Variants in MYLK observed in about 807,000 individuals in gnomAD.
MYLK encodes myosin light chain kinase, smooth muscle.
A neutral mutation model predicts 203.4 loss-of-function variants in MYLK; 106 were observed. The ratio of observed to expected loss-of-function variants is 0.52; its 90% CI spans 0.45 to 0.61. The LOEUF is 0.61. Among genes scored for constraint, MYLK ranks in the 20% least tolerant of loss-of-function variants. The pLI, the probability that MYLK is intolerant of heterozygous loss-of-function variation, is 0.00. For synonymous variants in MYLK, 867 were observed against 959.5 expected (o/e 0.90, Z 1.78); for missense variants, 2,072 against 2,442.3 (o/e 0.85, Z 3.20).
intron 2 of MYLK, among the ~76,000 whole-genome samples, chr3:123,835,316 A>T (rs753693015): frequency 2.0e-5 from 3 of 152,186 alleles, no homozygotes; most frequent in Admixed American, 6.5e-5. Flanking sequence ...TCAATATGGC[A>T]ATCAGTCACA....
intron 2 of MYLK, among the ~76,000 whole-genome samples, chr3:123,853,552 G>C (rs2031058165): frequency 6.6e-6 from 1 of 152,160 alleles, no homozygotes; most frequent in Admixed American, 6.6e-5. Flanking sequence ...CCTTTTTGAA[G>C]AGAAATGTCT....
intron 19 of MYLK, among the ~76,000 whole-genome samples, chr3:123,685,482 G>A (rs866957343): frequency 6.6e-6 from 1 of 152,000 alleles, no homozygotes; most frequent in African/African-American, 2.4e-5. Flanking sequence ...AGTCCCAGCT[G>A]CTTTGGAGGC....
chr3:123,867,920 C>T (rs1314936554), intron 2 of MYLK, among the ~76,000 whole-genome samples: 1 of 152,196 alleles, frequency 6.6e-6, no homozygotes, highest in Non-Finnish European at 1.5e-5. Flanking sequence ...GCAAAGACTC[C>T]CACAGAGCCC....
At position 123,708,826 on chromosome 3, in the gene MYLK, A is replaced by T; in HGVS notation, c.2012T>A (p.Phe671Tyr). Reference sequence around the variant, plus strand: ...GCTGTGCTGAGTTCCTCTCTGTTCAAAGTGGAAGTCCTCTGACTCTTGGAT... The same window carrying T: ...GCTGTGCTGAGTTCCTCTCTGTTCATAGTGGAAGTCCTCTGACTCTTGGAT... ...NEIQESEDFH[F>Y]EQRGTQHSLC... The change falls in exon 15 of 34, where the codon TTT becomes TAT. Residue 671 changes from phenylalanine (F) to tyrosine (Y), a missense_variant. This residue lies in a region of MYLK where 865 missense variants were observed against 1,016.0 expected (regional missense o/e 0.85). Coordinates refer to ENST00000360304, the MANE Select transcript of MYLK (RefSeq NM_053025.4). The T allele has an allele frequency of 6.2e-7, 1 of 1,614,092 alleles. No individual in the cohort carries two copies.
At chr3:123,812,932 C>G (rs1241438606) in intron 3 of MYLK, among the ~76,000 whole-genome samples, 1 of 152,166 alleles carries the variant, frequency 6.6e-6, no homozygotes, top group Non-Finnish European at 1.5e-5. Flanking sequence ...CTCCACAATC[C>G]CACCCCACTT....
intron 23 of MYLK, among the ~76,000 whole-genome samples, chr3:123,662,266 C>A (rs2059588062): frequency 6.6e-6 from 1 of 152,204 alleles, no homozygotes. Flanking sequence ...AAGTTTAGAG[C>A]TAGTTCCCAC....
rs149856838 is a variant in MYLK, at chr3:123,671,801, A to G, written c.3653-4614T>C. On this transcript the variant is annotated intron_variant, in intron 20 of 33. Coordinates refer to ENST00000360304, the MANE Select transcript of MYLK (RefSeq NM_053025.4). ...GCCCAAAGACACTAGAGGGAAGAGC[A>G]CGGGGAGCCAAATCCTTTGGTGGGG... 6.4e-3 allele frequency among the ~76,000 whole-genome samples: 973 copies of G among 152,120 alleles called. 9 individuals are homozygous for G. Among genetic ancestry groups the G allele is most frequent in the African/African-American group, 0.022 (918 of 41,520 alleles).
At chr3:123,823,301 T>C (rs2065999520) in intron 3 of MYLK, among the ~76,000 whole-genome samples, 1 of 152,128 alleles carries the variant, frequency 6.6e-6, no homozygotes, top group Non-Finnish European at 1.5e-5. Flanking sequence ...TCCCACCCTC[T>C]CCACTGACCT....
chr3:123,880,944 C>T (rs1431701944), intron 1 of MYLK, among the ~76,000 whole-genome samples: 2 of 152,246 alleles, frequency 1.3e-5, no homozygotes, highest in South Asian at 2.1e-4. Flanking sequence ...AGTGCAAATA[C>T]GGAGGTCCAC....
chr3:123,646,658 C>A (rs1481308109), intron 27 of MYLK, among the ~76,000 whole-genome samples: 1 of 152,222 alleles, frequency 6.6e-6, no homozygotes, highest in Admixed American at 6.5e-5. Flanking sequence ...AATCCCCCTG[C>A]CTTTGTACAA....
chr3:123,668,540 G>A (rs1430124357), intron 20 of MYLK, among the ~76,000 whole-genome samples: 1 of 152,184 alleles, frequency 6.6e-6, no homozygotes, highest in Non-Finnish European at 1.5e-5. Flanking sequence ...AAGGGGCACA[G>A]GGAAATGTTC....
chr3:123,655,220 A>G (rs1284133432), intron 24 of MYLK, among the ~76,000 whole-genome samples: 1 of 151,618 alleles, frequency 6.6e-6, no homozygotes, highest in African/African-American at 2.4e-5. Context: ...CTGAGTCCTC[A>G]TCTCCTTCAT....
chr3:123,767,751 G>A (rs1240398156), intron 4 of MYLK, among the ~76,000 whole-genome samples: 1 of 152,232 alleles, frequency 6.6e-6, no homozygotes, highest in Non-Finnish European at 1.5e-5. Context: ...CAGTCCCATG[G>A]GGGTGTCAGG....
intron 2 of MYLK, among the ~76,000 whole-genome samples, chr3:123,838,242 C>A (rs1399257631): frequency 6.6e-6 from 1 of 151,970 alleles, no homozygotes; most frequent in Non-Finnish European, 1.5e-5. Context: ...CAGAAAACAA[C>A]AAAGGAAATC....
Position 123,799,524 on chromosome 3 carries a change from C to G in MYLK, c.-3-5680G>C, listed in dbSNP as rs185778945. On this transcript the variant is annotated intron_variant, in intron 3 of 33. Transcript: ENST00000360304. ...GTCTTGAAGCACCTGGTCAGTTTGC[C>G]GGGCATCTTGGAAATATCATACCTT... is the stretch of plus-strand genomic sequence containing the variant. 9.2e-5 allele frequency among the ~76,000 whole-genome samples: 14 copies of G among 152,200 alleles called. No individual in the cohort carries two copies. In the East Asian group the frequency reaches 2.7e-3, roughly 29 times the overall value.
chr3:123,840,452 A>G (rs1043809721), intron 2 of MYLK, among the ~76,000 whole-genome samples: 1 of 151,250 alleles, frequency 6.6e-6, no homozygotes, highest in Non-Finnish European at 1.5e-5. Context: ...AATCTATGTC[A>G]TAATATAAAA....
intron 3 of MYLK, among the ~76,000 whole-genome samples, chr3:123,814,491 A>G (rs1322503170): frequency 6.6e-6 from 1 of 152,250 alleles, no homozygotes; most frequent in Non-Finnish European, 1.5e-5. Flanking sequence ...GGTCGTGAGT[A>G]CGATTACAAA....
chr3:123,703,635 C>T (rs1035718077), intron 16 of MYLK, among the ~76,000 whole-genome samples: 17 of 152,162 alleles, frequency 1.1e-4, no homozygotes, highest in Non-Finnish European at 7.3e-5. Context: ...GCCCCGAGTT[C>T]TCAACACTTA....
rs1358823346 is a variant in MYLK, at chr3:123,649,156, A to T, written c.4321+6T>A. 1 of 1,613,424 alleles carries T rather than the reference A, an allele frequency of 6.2e-7. No individual in the cohort carries two copies. The highest frequency in any genetic ancestry group is 8.5e-7 in the Non-Finnish European group (1 of 1,179,984). On this transcript the variant is annotated splice_donor_region_variant and intron_variant, in intron 25 of 33. Transcript: ENST00000360304. ...AGCCTGACCCGAAGACAGGGGCTGC[A>T]CTCACCATCATCTGACACCTCCACT...
Sources: allele counts gnomAD v4.1 joint callset (sites outside exome capture counted in the v4.1 genomes callset), GRCh38; gene constraint gnomAD v4.1.1; regional missense constraint gnomAD v4.1.1; transcripts MANE v1.5; gene names NCBI Gene and HGNC (gene_info 2026-07-23, HGNC 2026-07-21).